ALK: variants seen among roughly 807,000 people sequenced by gnomAD.
ALK encodes ALK tyrosine kinase receptor.
ALK carries 74 observed loss-of-function variants against 163.1 expected under a neutral mutation model. The observed-to-expected ratio is 0.45, with a 90% CI of 0.38 to 0.55. The LOEUF is 0.55. ALK is among the 20% of genes least tolerant of loss of function. The pLI is 0.00. For synonymous variants in ALK, 960 were observed against 843.2 expected (o/e 1.14, Z -2.40); for missense variants, 2,063 against 2,105.3 (o/e 0.98, Z 0.39).
intron 4 of ALK, among the ~76,000 whole-genome samples, chr2:29,437,859 T>G (rs758009018): frequency 3.9e-5 from 6 of 152,242 alleles, no homozygotes; most frequent in Non-Finnish European, 5.9e-5. Flanking sequence ...CTGAAGGGCA[T>G]AGACAAGCGG....
Position 29,799,051 on chromosome 2 carries a change from T to C in ALK, c.668-81354A>G, listed in dbSNP as rs140665108. Among the ~76,000 whole-genome samples, 30 of 152,302 alleles carry C rather than the reference T, an allele frequency of 2.0e-4. No individual in the cohort carries two copies. The East Asian group carries it at 2.7e-3, about 14-fold the overall frequency. On this transcript the variant is annotated intron_variant, in intron 1 of 28. Coordinates refer to ENST00000389048, the MANE Select transcript of ALK (RefSeq NM_004304.5). Reference sequence around the variant, plus strand: ...TGCTCCACCTACCTCACACAGCTATTGTGAGAAATCAATGAGATGAGGGGA... The same window carrying C: ...TGCTCCACCTACCTCACACAGCTATCGTGAGAAATCAATGAGATGAGGGGA...
chr2:29,706,664 C>A (rs1678919585), intron 2 of ALK, among the ~76,000 whole-genome samples: 2 of 152,202 alleles, frequency 1.3e-5, no homozygotes, highest in African/African-American at 4.8e-5. Context: ...CATGTGCACA[C>A]TGCAGTGGGA....
Position 29,921,039 on chromosome 2 carries a change from C to A in ALK, c.-380G>T. The A allele has an allele frequency of 3.6e-6, 1 of 278,638 alleles. No homozygotes were observed. The highest frequency in any genetic ancestry group is 6.8e-6 in the Non-Finnish European group (1 of 147,616). The allele number at this position is 278,638 out of a possible 1,614,324, so 17.3% of individuals were successfully genotyped here. A position where few individuals can be genotyped will look rare whatever the true frequency, so the allele number is the denominator to read the frequency against. Reference sequence around the variant, plus strand: ...TTGGGTACCGTCCTCTCCTGCCCCCCGCAGTCGGAGCTGGGGTCTGTCCCC... The same window carrying A: ...TTGGGTACCGTCCTCTCCTGCCCCCAGCAGTCGGAGCTGGGGTCTGTCCCC... On this transcript the variant is annotated 5_prime_UTR_variant, in exon 1 of 29. Coordinates refer to ENST00000389048, the MANE Select transcript of ALK (RefSeq NM_004304.5).
chr2:29,399,595 T>C (rs1323809493), intron 4 of ALK, among the ~76,000 whole-genome samples: 1 of 152,200 alleles, frequency 6.6e-6, no homozygotes, highest in Non-Finnish European at 1.5e-5. Context: ...GGCACTCCCT[T>C]ATCCACCCCT....
intron 4 of ALK, among the ~76,000 whole-genome samples, chr2:29,433,591 C>G (rs150298255): frequency 3.9e-5 from 6 of 152,246 alleles, no homozygotes; most frequent in African/African-American, 1.4e-4. Context: ...GGCAATATAG[C>G]CCAAATAGCA....
At position 29,193,070 on chromosome 2, in the gene ALK, A is replaced by G. The variant is rs1668910994; in HGVS notation, c.*154T>C. ...CCCATGCTCAAAACCTTTCTAAAGC[A>G]TTTTCAAAATACAGCTTTTTTGGTG... On this transcript the variant is annotated 3_prime_UTR_variant, in exon 29 of 29. Coordinates refer to ENST00000389048, the MANE Select transcript of ALK (RefSeq NM_004304.5). The G allele has an allele frequency of 1.2e-6, 1 of 822,094 alleles. No homozygotes were observed. 50.9% of individuals were successfully genotyped at this position (822,094 alleles called of 1,614,324 possible).
At chr2:29,257,376 G>T (rs1664976208) in intron 11 of ALK, among the ~76,000 whole-genome samples, 1 of 151,940 alleles carries the variant, frequency 6.6e-6, no homozygotes, top group Non-Finnish European at 1.5e-5. Flanking sequence ...AGACAGTTGA[G>T]TACAGAAAAG....
At chr2:29,571,092 GGGGGCA>G (rs1425131430) in intron 3 of ALK, among the ~76,000 whole-genome samples, 1 of 152,218 alleles carries the variant, frequency 6.6e-6, no homozygotes, top group Non-Finnish European at 1.5e-5. Flanking sequence ...AGATAGTGGA[GGGGGCA>G]CCTTACCATG....
At chr2:29,903,244 G>A (rs181575195) in intron 1 of ALK, among the ~76,000 whole-genome samples, 12 of 152,314 alleles carry the variant, frequency 7.9e-5, no homozygotes, top group Admixed American at 6.5e-4. Context: ...GAAAAAGTCA[G>A]TGAACCATTA....
intron 4 of ALK, among the ~76,000 whole-genome samples, chr2:29,404,410 C>T (rs1669531492): frequency 6.6e-6 from 1 of 151,822 alleles, no homozygotes; most frequent in Non-Finnish European, 1.5e-5. Flanking sequence ...ACAGTGCATG[C>T]AGAGTTGATA....
intron 5 of ALK, among the ~76,000 whole-genome samples, chr2:29,370,385 C>T (rs905594325): frequency 6.6e-6 from 1 of 152,152 alleles, no homozygotes; most frequent in Non-Finnish European, 1.5e-5. Context: ...TGGTGTGTTT[C>T]TGAATCATAA....
intron 1 of ALK, among the ~76,000 whole-genome samples, chr2:29,771,159 A>ATACACAAATACACACATATATGCACACG (rs1681012487): frequency 6.6e-6 from 1 of 152,208 alleles, no homozygotes; most frequent in Non-Finnish European, 1.5e-5. Context: ...AGATGCATAC[A>ATACACAAATACACACATATATGCACACG]TACACAAATA....
At chr2:29,564,552 GA>G (rs1169002106) in intron 3 of ALK, among the ~76,000 whole-genome samples, 1 of 152,130 alleles carries the variant, frequency 6.6e-6, no homozygotes, top group African/African-American at 2.4e-5. Flanking sequence ...TCATTCTGAG[GA>G]GCTGCCTCAC....
intron 3 of ALK, among the ~76,000 whole-genome samples, chr2:29,657,479 T>C (rs1277168566): frequency 1.3e-5 from 2 of 152,224 alleles, no homozygotes; most frequent in African/African-American, 2.4e-5. Flanking sequence ...TGAATTAAAA[T>C]GGCAGAGCAC....
chr2:29,306,889 C>T (rs1196426490), intron 8 of ALK, among the ~76,000 whole-genome samples: 1 of 152,164 alleles, frequency 6.6e-6, no homozygotes. Context: ...AGGAGTACGC[C>T]ACCAGCAATT....
chr2:29,848,051 A>C (rs113843782), intron 1 of ALK, among the ~76,000 whole-genome samples: 77 of 152,242 alleles, frequency 5.1e-4, no homozygotes, highest in African/African-American at 1.8e-3. Flanking sequence ...ATTTCCAAGT[A>C]TCCAAAAAGT....
At chr2:29,289,536 C>T (rs1349895462) in intron 9 of ALK, among the ~76,000 whole-genome samples, 1 of 152,202 alleles carries the variant, frequency 6.6e-6, no homozygotes, top group Non-Finnish European at 1.5e-5. Flanking sequence ...CTTGTGCTGC[C>T]ACAGCAGGTC....
At chr2:29,379,869 GAC>G (rs1417638035) in intron 5 of ALK, among the ~76,000 whole-genome samples, 1 of 152,162 alleles carries the variant, frequency 6.6e-6, no homozygotes, top group African/African-American at 2.4e-5. Flanking sequence ...ATATCCAAGA[GAC>G]AGCAACAGTA....
At chr2:29,331,173 TACTC>T (rs1486191941) in intron 5 of ALK, among the ~76,000 whole-genome samples, 3 of 152,270 alleles carry the variant, frequency 2.0e-5, no homozygotes, top group East Asian at 3.9e-4. Flanking sequence ...ACCTTTTTCT[TACTC>T]ACACAGAAGG....
Sources: allele counts gnomAD v4.1 joint callset (sites outside exome capture counted in the v4.1 genomes callset), GRCh38; gene constraint gnomAD v4.1.1; transcripts MANE v1.5; gene names NCBI Gene and HGNC (gene_info 2026-07-23, HGNC 2026-07-21).